The following KCNMA1 variants were observed in gnomAD, a reference collection of about 807,000 sequenced individuals.
KCNMA1 encodes the protein Calcium-activated potassium channel subunit alpha-1.
Under a neutral mutation model 140.0 loss-of-function variants are expected in KCNMA1, and 29 were observed. The ratio of observed to expected loss-of-function variants is 0.21; its 90% CI spans 0.15 to 0.28. KCNMA1 has a LOEUF of 0.28. Among genes scored for constraint, KCNMA1 ranks in the 10% least tolerant of loss-of-function variants. The pLI is 1.00. For missense variants in KCNMA1, 880 were observed against 1,602.2 expected, an observed-to-expected ratio of 0.55 and a Z score of 7.70; for synonymous variants, 612 against 611.9, an observed-to-expected ratio of 1.00 and a Z score of 0.00.
At chr10:76,889,816 G>A (rs890832569) in intron 26 of KCNMA1, 12 of 543,274 alleles carry the variant, frequency 2.2e-5, no homozygotes, top group African/African-American at 7.6e-5. Context: ...TCCACCTGTC[G>A]CAGTGGGGTT....
intron 2 of KCNMA1, among the ~76,000 whole-genome samples, chr10:77,302,652 C>T (rs1043120920): frequency 1.2e-4 from 18 of 152,166 alleles, no homozygotes; most frequent in Middle Eastern, 3.4e-3. Flanking sequence ...AGAGAGGGGA[C>T]GTGAGAATTG....
chr10:77,068,687 T>A (rs1272897), intron 14 of KCNMA1, among the ~76,000 whole-genome samples: 1 of 146,890 alleles, frequency 6.8e-6, no homozygotes, highest in South Asian at 2.2e-4. Flanking sequence ...GAGCATACTG[T>A]GTTCCAGGTT....
chr10:77,346,188 C>A (rs948660765), intron 2 of KCNMA1, among the ~76,000 whole-genome samples: 1 of 152,152 alleles, frequency 6.6e-6, no homozygotes, highest in Non-Finnish European at 1.5e-5. Flanking sequence ...TCAGGTTAGC[C>A]CCAAGTGATG....
chr10:76,891,791 A>C, intron 25 of KCNMA1, 72 bp from the exon 26 acceptor site: 1 of 1,273,856 alleles, frequency 7.9e-7, no homozygotes, highest in Non-Finnish European at 1.1e-6. Flanking sequence ...CCGACATCCA[A>C]ATTACAACTT....
At chr10:77,088,557 G>A (rs2096746025) in intron 10 of KCNMA1, among the ~76,000 whole-genome samples, 1 of 152,138 alleles carries the variant, frequency 6.6e-6, no homozygotes, top group African/African-American at 2.4e-5. Flanking sequence ...AGCCTCCAGA[G>A]TAGCGAGGGC....
At chr10:77,279,523 T>C (rs1471739453) in intron 2 of KCNMA1, among the ~76,000 whole-genome samples, 1 of 152,216 alleles carries the variant, frequency 6.6e-6, no homozygotes, top group South Asian at 2.1e-4. Context: ...ACACTTATTT[T>C]CCTGTCTCAC....
At chr10:77,629,200 G>A (rs768528219) in intron 1 of KCNMA1, among the ~76,000 whole-genome samples, 1 of 152,152 alleles carries the variant, frequency 6.6e-6, no homozygotes, top group Non-Finnish European at 1.5e-5. Flanking sequence ...TAGACACAAT[G>A]TCCCAAGACA....
intron 1 of KCNMA1, among the ~76,000 whole-genome samples, chr10:77,419,473 C>T (rs892730676): frequency 1.3e-5 from 2 of 152,022 alleles, no homozygotes; most frequent in Non-Finnish European, 2.9e-5. Context: ...AGCTGTTTTT[C>T]TTACTAGAAG....
intron 1 of KCNMA1, among the ~76,000 whole-genome samples, chr10:77,523,530 G>C (rs984488662): frequency 3.3e-5 from 5 of 152,240 alleles, no homozygotes; most frequent in Admixed American, 2.0e-4. Context: ...GATGTCAAGG[G>C]AAGATGCTGG....
chr10:77,255,265 G>T (rs117923766), intron 2 of KCNMA1, among the ~76,000 whole-genome samples: 9 of 152,162 alleles, frequency 5.9e-5, no homozygotes, highest in African/African-American at 2.2e-4. Context: ...CAAGACATGT[G>T]TTTGCACAAA....
At chr10:77,011,933 A>G in intron 18 of KCNMA1, 34 bp downstream of exon 18, 1 of 1,574,936 alleles carries the variant, frequency 6.3e-7, no homozygotes, top group Non-Finnish European at 8.7e-7. Context: ...TAGGAATGAG[A>G]AAGGGAGGGG....
intron 2 of KCNMA1, among the ~76,000 whole-genome samples, chr10:77,302,503 T>C (rs1427422951): frequency 6.6e-6 from 1 of 152,180 alleles, no homozygotes; most frequent in Non-Finnish European, 1.5e-5. Flanking sequence ...ATCTCACAGC[T>C]ACCATGACTG....
intron 1 of KCNMA1, among the ~76,000 whole-genome samples, chr10:77,597,413 G>A (rs2081257890): frequency 6.6e-6 from 1 of 152,124 alleles, no homozygotes; most frequent in Non-Finnish European, 1.5e-5. Context: ...CAAGGTGATG[G>A]ATACCCCAAA....
chr10:77,238,180 G>T (rs531303083), intron 3 of KCNMA1, among the ~76,000 whole-genome samples: 2 of 152,276 alleles, frequency 1.3e-5, no homozygotes, highest in African/African-American at 4.8e-5. Flanking sequence ...GATTGGATGA[G>T]CCCATAGAGA....
intron 2 of KCNMA1, among the ~76,000 whole-genome samples, chr10:77,384,547 C>A (rs1603450767): frequency 6.6e-6 from 1 of 152,196 alleles, no homozygotes; most frequent in Non-Finnish European, 1.5e-5. Context: ...ATCGTCACAT[C>A]CACTGTTTGT....
intron 3 of KCNMA1, among the ~76,000 whole-genome samples, chr10:77,219,698 C>T (rs2048951192): frequency 6.6e-6 from 1 of 152,192 alleles, no homozygotes; most frequent in Non-Finnish European, 1.5e-5. Context: ...TGGCTCACTG[C>T]AAGCTCTGCC....
At chr10:77,419,986 C>T (rs970994900) in intron 1 of KCNMA1, among the ~76,000 whole-genome samples, 1 of 152,182 alleles carries the variant, frequency 6.6e-6, no homozygotes, top group Non-Finnish European at 1.5e-5. Flanking sequence ...TGCTGTTATC[C>T]CAGCTTTAGA....
intron 19 of KCNMA1, among the ~76,000 whole-genome samples, chr10:76,990,730 C>G (rs1346725635): frequency 3.9e-5 from 6 of 152,130 alleles, no homozygotes. Flanking sequence ...TGGATATGTT[C>G]TCTCAGTTGG....
intron 1 of KCNMA1, among the ~76,000 whole-genome samples, chr10:77,614,173 G>T (rs746109172): frequency 6.6e-6 from 1 of 152,194 alleles, no homozygotes; most frequent in Admixed American, 6.5e-5. Context: ...AAAACAAAGA[G>T]ATTCAGTGCC....
Sources: allele counts gnomAD v4.1 joint callset (sites outside exome capture counted in the v4.1 genomes callset), GRCh38; gene constraint gnomAD v4.1.1; transcripts MANE v1.5; gene names NCBI Gene and HGNC (gene_info 2026-07-23, HGNC 2026-07-21).